Variants in RBFOX1 observed in about 807,000 individuals in gnomAD.
RBFOX1 encodes RNA binding fox-1 homolog 1, also known as RNA binding protein fox-1 homolog 1.
In RBFOX1, 8 loss-of-function variants were observed where a neutral mutation model predicts 57.7. The ratio of observed to expected loss-of-function variants is 0.14; its 90% CI spans 0.08 to 0.25. The LOEUF is 0.25. RBFOX1 is among the 10% of genes least tolerant of loss of function. The pLI, the probability that RBFOX1 is intolerant of heterozygous loss-of-function variation, is 1.00. For missense variants in RBFOX1, 611 were observed against 548.5 expected, an observed-to-expected ratio of 1.11 and a Z score of -1.14; for synonymous variants, 326 against 222.4, an observed-to-expected ratio of 1.47 and a Z score of -4.15.
At chr16:7,553,897 A>G (rs913333179) in intron 5 of RBFOX1, among the ~76,000 whole-genome samples, 1 of 152,222 alleles carries the variant, frequency 6.6e-6, no homozygotes, top group Admixed American at 6.5e-5. Flanking sequence ...TTGAAGAGCT[A>G]AGTTCTGCTT....
At chr16:5,624,139 A>G (rs890839193) in intron 3 of RBFOX1, among the ~76,000 whole-genome samples, 14 of 152,206 alleles carry the variant, frequency 9.2e-5, no homozygotes, top group African/African-American at 3.4e-4. Flanking sequence ...GTCACTTTTA[A>G]TACTCGAAGG....
intron 3 of RBFOX1, among the ~76,000 whole-genome samples, chr16:6,913,746 C>T (rs951111939): frequency 5.3e-5 from 8 of 152,152 alleles, no homozygotes; most frequent in African/African-American, 1.7e-4. Context: ...AGCGTCTGGG[C>T]AGCCAGCGGT....
At chr16:5,940,741 G>T (rs1487880320) in intron 4 of RBFOX1, among the ~76,000 whole-genome samples, 1 of 152,170 alleles carries the variant, frequency 6.6e-6, no homozygotes, top group African/African-American at 2.4e-5. Flanking sequence ...TCAAGTGGAG[G>T]GGAGGAGAAA....
Position 5,947,036 on chromosome 16 carries a change from A to G in RBFOX1, c.351+79701A>G, listed in dbSNP as rs2059414084. On this transcript the variant is annotated intron_variant, in intron 4 of 19. Coordinates refer to the RBFOX1 transcript ENST00000641259. The surrounding 1 kb of genome is among the most constrained non-coding windows in gnomAD (Gnocchi z 7.2). ...AGACCAGCTCTAGCAATATAGTGAC[A>G]CCCCATCTGTACAAAATAAAGTGAA... Among the ~76,000 whole-genome samples, 1 of 152,050 alleles carries G rather than the reference A, an allele frequency of 6.6e-6. No homozygotes were observed. The highest frequency in any genetic ancestry group is 2.4e-5 in the African/African-American group (1 of 41,376).
At chr16:7,366,776 A>G (rs1408913544) in intron 4 of RBFOX1, among the ~76,000 whole-genome samples, 2 of 152,174 alleles carry the variant, frequency 1.3e-5, no homozygotes, top group African/African-American at 2.4e-5. Flanking sequence ...AAACACATAA[A>G]GGGATTAAAG....
At chr16:7,416,081 A>T (rs2098474918) in intron 4 of RBFOX1, among the ~76,000 whole-genome samples, 1 of 152,020 alleles carries the variant, frequency 6.6e-6, no homozygotes, top group Non-Finnish European at 1.5e-5. Context: ...TTTCTTATTA[A>T]ACCTCCAGCC....
chr16:5,764,879 A>C (rs1240490030), intron 3 of RBFOX1, among the ~76,000 whole-genome samples: 1 of 152,176 alleles, frequency 6.6e-6, no homozygotes, highest in Non-Finnish European at 1.5e-5. Context: ...CCTTTTATTC[A>C]GTTCCTGTGA....
chr16:6,616,348 G>C (rs1260044867), intron 2 of RBFOX1, among the ~76,000 whole-genome samples: 2 of 151,646 alleles, frequency 1.3e-5, no homozygotes, highest in Non-Finnish European at 2.9e-5. Context: ...ACCGTGCCCA[G>C]TGATAGTGAC....
intron 3 of RBFOX1, among the ~76,000 whole-genome samples, chr16:5,814,579 C>A (rs553611653): frequency 1.3e-5 from 2 of 152,176 alleles, no homozygotes; most frequent in Non-Finnish European, 2.9e-5. Flanking sequence ...AAGTAGTCAG[C>A]GGTAGAGAGC....
chr16:6,383,011 C>T (rs964248756), intron 2 of RBFOX1, among the ~76,000 whole-genome samples: 2 of 152,170 alleles, frequency 1.3e-5, no homozygotes, highest in East Asian at 1.9e-4. Flanking sequence ...GCAGAGGCAG[C>T]GAAATCCTAA....
chr16:5,751,302 C>T (rs2053191136), intron 3 of RBFOX1, among the ~76,000 whole-genome samples: 1 of 152,236 alleles, frequency 6.6e-6, no homozygotes, highest in South Asian at 2.1e-4. Flanking sequence ...GCATTTCACT[C>T]ATGAGTAATT....
intron 2 of RBFOX1, among the ~76,000 whole-genome samples, chr16:6,341,074 A>G (rs899696815): frequency 6.6e-6 from 1 of 152,186 alleles, no homozygotes; most frequent in African/African-American, 2.4e-5. Context: ...GCTGCATCAA[A>G]TGATCACAAA....
intron 4 of RBFOX1, among the ~76,000 whole-genome samples, chr16:7,425,350 C>T (rs1194474463): frequency 6.6e-6 from 1 of 152,122 alleles, no homozygotes; most frequent in Admixed American, 6.6e-5. Context: ...TGACTTTTAC[C>T]TACGAGTTAC....
intron 1 of RBFOX1, among the ~76,000 whole-genome samples, chr16:5,258,114 AG>A (rs2062635585): frequency 6.6e-6 from 1 of 152,128 alleles, no homozygotes; most frequent in African/African-American, 2.4e-5. Context: ...CCTGGGCTCA[AG>A]CAGTCCTCCA....
At chr16:6,595,934 T>C (rs2097772697) in intron 2 of RBFOX1, among the ~76,000 whole-genome samples, 1 of 152,180 alleles carries the variant, frequency 6.6e-6, no homozygotes, top group Admixed American at 6.5e-5. Context: ...AGTTTTATTG[T>C]TGGAAACTTT....
rs557916460 is a variant in RBFOX1, at chr16:5,900,094, A to C, written c.351+32759A>C. On this transcript the variant is annotated intron_variant, in intron 4 of 19. Coordinates refer to the RBFOX1 transcript ENST00000641259. The stretch of plus-strand genomic sequence containing the variant: ...CTCTGTCTCAAAAACCAAACAAAAC[A>C]AAACCAGGAGTTTCTTCAACAACGT... Among the ~76,000 whole-genome samples, 125 of 152,306 alleles carry C rather than the reference A, an allele frequency of 8.2e-4. 1 individual carries two copies. Among genetic ancestry groups the C allele is most frequent in the Admixed American group, 2.3e-3 (35 of 15,306 alleles).
intron 2 of RBFOX1, among the ~76,000 whole-genome samples, chr16:6,607,985 A>T (rs2097968977): frequency 1.3e-5 from 2 of 152,140 alleles, no homozygotes; most frequent in Admixed American, 1.3e-4. Context: ...CTGACCCTTT[A>T]CTGGGAAGGC....
intron 3 of RBFOX1, among the ~76,000 whole-genome samples, chr16:5,683,117 A>T (rs541951621): frequency 1.7e-5 from 2 of 115,406 alleles, no homozygotes; most frequent in South Asian, 6.0e-4. Flanking sequence ...CTTGCCCTCT[A>T]GGGCTTGTAT....
chr16:6,947,012 A>G (rs560522528), intron 3 of RBFOX1, among the ~76,000 whole-genome samples: 1 of 152,206 alleles, frequency 6.6e-6, no homozygotes, highest in East Asian at 1.9e-4. Context: ...TGGGTTGAGC[A>G]AGTCCCTTCA....
Sources: allele counts gnomAD v4.1 joint callset (sites outside exome capture counted in the v4.1 genomes callset), GRCh38; gene constraint gnomAD v4.1.1; non-coding constraint Gnocchi (gnomAD v3.1); transcripts MANE v1.5; gene names NCBI Gene and HGNC (gene_info 2026-07-23, HGNC 2026-07-21).